The following CSNK1G1 variants were observed in gnomAD, a reference collection of about 807,000 sequenced individuals.
The protein encoded by CSNK1G1 is casein kinase I isoform gamma-1.
In CSNK1G1, 22 loss-of-function variants were observed where a neutral mutation model predicts 59.6. The observed-to-expected ratio is 0.37, with a 90% confidence interval of 0.26 to 0.53. The LOEUF is 0.53. Among genes scored for constraint, CSNK1G1 ranks in the 20% least tolerant of loss-of-function variants. The pLI is 0.89. For synonymous variants in CSNK1G1, 179 were observed against 177.1 expected (o/e 1.01, Z -0.08); for missense variants, 384 against 519.5 (o/e 0.74, Z 2.54).
At chr15:64,338,051 C>T (rs1450563488) in intron 1 of CSNK1G1, among the ~76,000 whole-genome samples, 2 of 152,148 alleles carry the variant, frequency 1.3e-5, no homozygotes, top group African/African-American at 2.4e-5. Flanking sequence ...ATTATGAATG[C>T]TGTTATAAAG....
chr15:64,252,775 T>A (rs933260986), intron 3 of CSNK1G1, among the ~76,000 whole-genome samples: 6 of 152,184 alleles, frequency 3.9e-5, no homozygotes, highest in Non-Finnish European at 8.8e-5. Flanking sequence ...ACCTCAGAGA[T>A]AAAGCAGCCA....
intron 4 of CSNK1G1, among the ~76,000 whole-genome samples, chr15:64,232,491 C>T (rs1436665151): frequency 1.3e-5 from 2 of 152,182 alleles, no homozygotes; most frequent in East Asian, 3.8e-4. Context: ...ACAGTAGATA[C>T]ATAATTCTGC....
intron 9 of CSNK1G1, 102 bp downstream of exon 9, chr15:64,204,339 C>A (rs2082149242): frequency 3.1e-6 from 3 of 969,786 alleles, no homozygotes; most frequent in South Asian, 2.1e-5. Context: ...ATATTTTTAC[C>A]AAAGATTCAA....
Position 64,170,818 on chromosome 15 carries a change from T to C in CSNK1G1, c.*1113A>G, listed in dbSNP as rs2081655486. 6.6e-6 allele frequency: 1 copy of C among 152,630 alleles called. No homozygotes were observed. The highest frequency in any genetic ancestry group is 2.1e-4 in the South Asian group (1 of 4,826). The allele number at this position is 152,630 out of a possible 1,614,324, so 9.5% of individuals were successfully genotyped here. ...TTCTCTGGGATGAGCTGTTTCCTGG[T>C]CACAGTCTGGCTCGGCTGGCTCATC... On this transcript the variant is annotated 3_prime_UTR_variant, in exon 12 of 12. Coordinates refer to ENST00000303052, the MANE Select transcript of CSNK1G1 (RefSeq NM_022048.5).
chr15:64,336,045 C>T (rs770997226), intron 1 of CSNK1G1, among the ~76,000 whole-genome samples: 1 of 152,156 alleles, frequency 6.6e-6, no homozygotes, highest in Non-Finnish European at 1.5e-5. Context: ...ATTCATATAT[C>T]CATCTATCGA....
intron 1 of CSNK1G1, among the ~76,000 whole-genome samples, chr15:64,302,884 C>A (rs778843737): frequency 1.3e-5 from 2 of 152,126 alleles, no homozygotes; most frequent in Non-Finnish European, 2.9e-5. Context: ...TATTTCTCTT[C>A]ATATTTTTCA....
intron 6 of CSNK1G1, 33 bp downstream of exon 6, chr15:64,213,857 C>T: frequency 1.5e-6 from 2 of 1,376,058 alleles, no homozygotes; most frequent in Non-Finnish European, 2.1e-6. Flanking sequence ...GTTCTAATGA[C>T]TCGCCCCTTT....
intron 4 of CSNK1G1, among the ~76,000 whole-genome samples, chr15:64,238,778 C>A (rs944681213): frequency 3.3e-5 from 5 of 151,712 alleles, no homozygotes; most frequent in African/African-American, 1.2e-4. Flanking sequence ...CCATGCCCCC[C>A]CAGGGATAGA....
chr15:64,211,147 A>G (rs915198092), intron 6 of CSNK1G1, among the ~76,000 whole-genome samples: 1 of 152,208 alleles, frequency 6.6e-6, no homozygotes, highest in Non-Finnish European at 1.5e-5. Flanking sequence ...AAAATGGACT[A>G]AGTAAGTGTG....
At chr15:64,237,223 C>T (rs1457868150) in intron 4 of CSNK1G1, among the ~76,000 whole-genome samples, 1 of 152,084 alleles carries the variant, frequency 6.6e-6, no homozygotes, top group Non-Finnish European at 1.5e-5. Flanking sequence ...GACTTGACCA[C>T]TATGCAATCT....
intron 4 of CSNK1G1, among the ~76,000 whole-genome samples, chr15:64,236,157 A>AAAAAAAG (rs2082613792): frequency 6.6e-6 from 1 of 151,410 alleles, no homozygotes; most frequent in African/African-American, 2.4e-5. Context: ...AAAAAAAAAA[A>AAAAAAAG]AAAAGAAAAG....
chr15:64,309,657 G>A (rs565768090), intron 1 of CSNK1G1, among the ~76,000 whole-genome samples: 35 of 152,244 alleles, frequency 2.3e-4, no homozygotes, highest in African/African-American at 8.4e-4. Flanking sequence ...GCTTGTTTTG[G>A]GAAACAGACA....
chr15:64,295,593 G>T (rs527321332), intron 2 of CSNK1G1, among the ~76,000 whole-genome samples: 1 of 152,212 alleles, frequency 6.6e-6, no homozygotes, highest in East Asian at 1.9e-4. Flanking sequence ...ACAGTGAAAG[G>T]AATTAGAATA....
intron 2 of CSNK1G1, 82 bp from the exon 3 acceptor site, chr15:64,259,323 G>T: frequency 1.0e-6 from 1 of 965,032 alleles, no homozygotes; most frequent in South Asian, 1.6e-5. Context: ...ACAGGGTCAT[G>T]AGAAAGGTTA....
At chr15:64,230,636 C>G (rs1397495150) in intron 4 of CSNK1G1, among the ~76,000 whole-genome samples, 1 of 152,136 alleles carries the variant, frequency 6.6e-6, no homozygotes, top group Non-Finnish European at 1.5e-5. Flanking sequence ...TTTAGCACGA[C>G]AGTCCCCATT....
intron 4 of CSNK1G1, among the ~76,000 whole-genome samples, chr15:64,241,630 C>T (rs2082694879): frequency 6.6e-6 from 1 of 151,724 alleles, no homozygotes; most frequent in Non-Finnish European, 1.5e-5. Flanking sequence ...GGAAATAAAA[C>T]CAGAGATCAA....
At chr15:64,271,977 T>C (rs1435576854) in intron 2 of CSNK1G1, among the ~76,000 whole-genome samples, 3 of 152,222 alleles carry the variant, frequency 2.0e-5, no homozygotes, top group East Asian at 1.9e-4. Flanking sequence ...GGTCTTCTTA[T>C]TGAATTGAAC....
At chr15:64,222,387 C>T (rs993232852) in intron 4 of CSNK1G1, among the ~76,000 whole-genome samples, 3 of 145,806 alleles carry the variant, frequency 2.1e-5, no homozygotes, top group East Asian at 2.0e-4. Context: ...ACATGTATCC[C>T]GTTTTTTTTC....
At chr15:64,313,255 T>C (rs1215298578) in intron 1 of CSNK1G1, among the ~76,000 whole-genome samples, 1 of 152,236 alleles carries the variant, frequency 6.6e-6, no homozygotes, top group Non-Finnish European at 1.5e-5. Context: ...ACTGGGTATA[T>C]ACCCAAAGGG....
Sources: allele counts gnomAD v4.1 joint callset (sites outside exome capture counted in the v4.1 genomes callset), GRCh38; gene constraint gnomAD v4.1.1; transcripts MANE v1.5; gene names NCBI Gene and HGNC (gene_info 2026-07-23, HGNC 2026-07-21).